Variants in TMCC2 observed in about 807,000 individuals in gnomAD.
TMCC2 encodes transmembrane and coiled-coil domain family 2.
TMCC2 carries 16 observed loss-of-function variants against 49.4 expected under a neutral mutation model. The ratio of observed to expected loss-of-function variants is 0.32; its 90% CI spans 0.22 to 0.49. The LOEUF is 0.49. TMCC2 is among the 20% of genes least tolerant of loss of function. The pLI, the probability that TMCC2 is intolerant of heterozygous loss-of-function variation, is 0.99. For synonymous variants in TMCC2, 397 were observed against 434.1 expected, an observed-to-expected ratio of 0.91 and a Z score of 1.06; for missense variants, 762 against 989.8, an observed-to-expected ratio of 0.77 and a Z score of 3.09.
At position 205,264,967 on chromosome 1, in the gene TMCC2, C is replaced by T. The variant is rs769212097; in HGVS notation, c.748-3983C>T. On this transcript the variant is annotated intron_variant, in intron 2 of 4. Coordinates refer to ENST00000358024, the MANE Select transcript of TMCC2 (RefSeq NM_014858.4). The surrounding 1 kb of genome is among the most constrained non-coding windows in gnomAD (Gnocchi z 4.2). ...AGAGGCCATAGGGAAAATATGCCAC[C>T]TTTCTGGAAGCCAGTGGAACTGAGT... Among the ~76,000 whole-genome samples, 1 of 152,158 alleles carries T rather than the reference C, an allele frequency of 6.6e-6. No homozygotes were observed. The highest frequency in any genetic ancestry group is 1.5e-5 in the Non-Finnish European group (1 of 68,038).
At chr1:205,243,931 C>T (rs1660364226) in intron 2 of TMCC2, among the ~76,000 whole-genome samples, 1 of 152,026 alleles carries the variant, frequency 6.6e-6, no homozygotes, top group Admixed American at 6.6e-5. Context: ...CACCAGGAGC[C>T]CGAGAGAGAG....
intron 2 of TMCC2, among the ~76,000 whole-genome samples, chr1:205,266,599 CAAAA>C (rs1359099716): frequency 7.8e-6 from 1 of 127,900 alleles, no homozygotes; most frequent in African/African-American, 2.7e-5. Context: ...CAAAAAAAAA[CAAAA>C]AACAAATAAA....
At chr1:205,240,063 C>T (rs1168809561) in intron 1 of TMCC2, among the ~76,000 whole-genome samples, 1 of 152,230 alleles carries the variant, frequency 6.6e-6, no homozygotes, top group African/African-American at 2.4e-5. Context: ...TTGTTCCTCA[C>T]AGGAAATCCT....
At chr1:205,252,102 C>T (rs755979260) in intron 2 of TMCC2, among the ~76,000 whole-genome samples, 7 of 152,178 alleles carry the variant, frequency 4.6e-5, no homozygotes, top group South Asian at 4.1e-4. Context: ...TGAAATCATC[C>T]GTCTTTCCTA....
intron 2 of TMCC2, chr1:205,256,489 G>A: frequency 6.8e-7 from 1 of 1,465,184 alleles, no homozygotes; most frequent in Non-Finnish European, 9.3e-7. Context: ...GGAAGCAGAA[G>A]CTAGTGCAGA....
chr1:205,228,502 G>C lies in TMCC2; in HGVS notation c.-63G>C. The C allele has an allele frequency of 7.0e-7, 1 of 1,431,746 alleles. No individual in the cohort carries two copies. Among genetic ancestry groups the C allele is most frequent in the African/African-American group, 1.4e-5 (1 of 70,828 alleles). 88.7% of individuals were successfully genotyped at this position (1,431,746 alleles called of 1,614,324 possible). On this transcript the variant is annotated 5_prime_UTR_variant, in exon 1 of 5. Transcript: ENST00000358024. ...AGGCCTCATATGAATATAAGAGGGG[G>C]TGCGGTCTTCCCCAAGACGGCGCGC...
rs755790482 is a variant in TMCC2, at chr1:205,241,908, A to C, written c.611A>C (p.Asp204Ala). 4 of 1,609,830 alleles carry C rather than the reference A, an allele frequency of 2.5e-6. No individual in the cohort carries two copies. Among genetic ancestry groups the C allele is most frequent in the Non-Finnish European group, 3.4e-6 (4 of 1,179,364 alleles). The change falls in exon 2 of 5, where the codon GAC becomes GCC. Residue 204 changes from aspartate (D) to alanine (A), a missense_variant. Around this residue, in one of 2 missense-constraint regions of TMCC2, gnomAD observed 322 missense variants for 353.1 expected, o/e 0.91. Transcript: ENST00000358024. The surrounding 1 kb of genome is among the most constrained non-coding windows in gnomAD (Gnocchi z 7.3). Reference sequence around the variant, plus strand: ...CACCTGCTGCGCAAGGCCCCCCAGGACAGCAGCCTGGCCGCCATCCTGCAC... The same window carrying C: ...CACCTGCTGCGCAAGGCCCCCCAGGCCAGCAGCCTGGCCGCCATCCTGCAC... ...SPHLLRKAPQ[D>A]SSLAAILHQH...
chr1:205,270,433 A>G (rs1661541157), intron 3 of TMCC2, among the ~76,000 whole-genome samples: 2 of 152,164 alleles, frequency 1.3e-5, no homozygotes, highest in Admixed American at 1.3e-4. Flanking sequence ...CAGAGCTGAC[A>G]TCTCTCGGCC....
chr1:205,234,787 G>A (rs531350972), intron 1 of TMCC2, among the ~76,000 whole-genome samples: 1 of 152,074 alleles, frequency 6.6e-6, no homozygotes, highest in African/African-American at 2.4e-5. Flanking sequence ...AACCTCCCGA[G>A]TAGCTGGGAC....
intron 2 of TMCC2, among the ~76,000 whole-genome samples, chr1:205,263,448 T>C (rs926995983): frequency 6.6e-6 from 1 of 152,104 alleles, no homozygotes; most frequent in African/African-American, 2.4e-5. Context: ...CCCAGCACTT[T>C]AGGAGGCCAA....
rs563233508 is a variant in TMCC2 at position 205,264,583 on chromosome 1, C to T, written c.748-4367C>T. Among the ~76,000 whole-genome samples the T allele has an allele frequency of 2.6e-5, 4 of 152,036 alleles. No homozygotes were observed. The highest frequency in any genetic ancestry group is 2.1e-4 in the South Asian group (1 of 4,814). On this transcript the variant is annotated intron_variant, in intron 2 of 4. Coordinates refer to ENST00000358024, the MANE Select transcript of TMCC2 (RefSeq NM_014858.4). This position sits in a 1 kb window ranked among gnomAD's most constrained non-coding sequence, Gnocchi z 4.2. ...CACTGCAAGCTCCGCCTCCCAGGTT[C>T]GCGCCATTCTCCCGCCTCAGCCTCC...
intron 2 of TMCC2, chr1:205,246,561 G>A (rs1035434104): frequency 3.9e-6 from 6 of 1,547,102 alleles, no homozygotes; most frequent in South Asian, 1.2e-5. Context: ...AGCTCTGCAC[G>A]CGTTGGCTAA....
At chr1:205,245,314 T>G (rs931853055) in intron 2 of TMCC2, among the ~76,000 whole-genome samples, 6 of 152,052 alleles carry the variant, frequency 3.9e-5, no homozygotes, top group Admixed American at 3.3e-4. Context: ...TGCTAGACTA[T>G]GGGCAGGAGG....
chr1:205,269,454 C>G lies in TMCC2; in HGVS notation c.1252C>G (p.His418Asp), dbSNP rs1364577644. The change falls in exon 3 of 5, where the codon CAC becomes GAC. Residue 418 changes from histidine to aspartate, a missense_variant. His to Asp is a moderately conservative substitution (Grantham distance 81). Transcript: ENST00000358024. ...GSLSGLSQAT[H>D]TAVVSKPREF... The stretch of plus-strand genomic sequence containing the variant: ...CCTCTCTGGCCTCTCACAGGCCACC[C>G]ACACCGCCGTGGTGTCCAAGCCCCG... 1 of 1,606,198 alleles carries G rather than the reference C, an allele frequency of 6.2e-7. No homozygotes were observed. Among genetic ancestry groups the G allele is most frequent in the Non-Finnish European group, 8.5e-7 (1 of 1,174,710 alleles).
chr1:205,236,554 G>A (rs2102531894), intron 1 of TMCC2: 1 of 152,328 alleles, frequency 6.6e-6, no homozygotes, highest in Non-Finnish European at 1.5e-5. Context: ...TAATGTTAGG[G>A]ACACAGAGAT....
chr1:205,270,234 G>A (rs1661530185), intron 3 of TMCC2, among the ~76,000 whole-genome samples: 2 of 152,132 alleles, frequency 1.3e-5, no homozygotes, highest in Admixed American at 6.5e-5. Context: ...TTTTAGTAGC[G>A]ACAGCGTTTC....
intron 1 of TMCC2, among the ~76,000 whole-genome samples, chr1:205,230,796 G>T (rs538010279): frequency 1.3e-5 from 2 of 151,998 alleles, no homozygotes; most frequent in Non-Finnish European, 2.9e-5. Flanking sequence ...GGGATGCCAC[G>T]TTTCCACTCT....
chr1:205,262,231 A>G (rs1661146663), intron 2 of TMCC2, among the ~76,000 whole-genome samples: 1 of 152,136 alleles, frequency 6.6e-6, no homozygotes, highest in African/African-American at 2.4e-5. Context: ...CTGTGATTGG[A>G]GACCCAACAG....
chr1:205,251,239 AAGTG>A (rs1310986115), intron 2 of TMCC2, among the ~76,000 whole-genome samples: 1 of 151,952 alleles, frequency 6.6e-6, no homozygotes, highest in Non-Finnish European at 1.5e-5. Flanking sequence ...GAGTTGGGGG[AAGTG>A]AGTGTCATTT....
Sources: allele counts gnomAD v4.1 joint callset (sites outside exome capture counted in the v4.1 genomes callset), GRCh38; gene constraint gnomAD v4.1.1; regional missense constraint gnomAD v4.1.1; non-coding constraint Gnocchi (gnomAD v3.1); transcripts MANE v1.5; gene names NCBI Gene and HGNC (gene_info 2026-07-23, HGNC 2026-07-21).